The following OPCML variants were observed in gnomAD, a reference collection of about 807,000 sequenced individuals.
OPCML encodes the protein opioid binding protein/cell adhesion molecule like.
In OPCML, 13 loss-of-function variants were observed where a neutral mutation model predicts 37.8. The ratio of observed to expected loss-of-function variants is 0.34; its 90% confidence interval spans 0.22 to 0.55. The LOEUF (loss-of-function observed/expected upper bound fraction) is 0.55, where lower values mean the gene tolerates loss of function less well. Ranked by LOEUF, OPCML falls within the 20% of genes least tolerant of loss-of-function variation. OPCML has a pLI of 0.91. For synonymous variants in OPCML, 176 were observed against 168.8 expected, an observed-to-expected ratio of 1.04 and a Z score of -0.33; for missense variants, 341 against 435.6, an observed-to-expected ratio of 0.78 and a Z score of 1.93.
At chr11:133,456,704 A>G (rs1946678496) in intron 1 of OPCML, among the ~76,000 whole-genome samples, 2 of 152,092 alleles carry the variant, frequency 1.3e-5, no homozygotes, top group South Asian at 4.1e-4. Flanking sequence ...CAAAATAATA[A>G]TATCAACAAA....
intron 2 of OPCML, among the ~76,000 whole-genome samples, chr11:132,733,386 T>C (rs190165395): frequency 9.4e-4 from 143 of 152,230 alleles, no homozygotes; most frequent in African/African-American, 3.4e-3. Context: ...TCCGCTTGTC[T>C]GCTAAGAGGC....
intron 2 of OPCML, among the ~76,000 whole-genome samples, chr11:132,672,762 G>A (rs1375880742): frequency 1.3e-5 from 2 of 152,040 alleles, no homozygotes; most frequent in Non-Finnish European, 2.9e-5. Flanking sequence ...CTATTAACAG[G>A]AGATCCATTG....
At chr11:133,007,848 CA>C in intron 1 of OPCML, 4 of 985,338 alleles carry the variant, frequency 4.1e-6, no homozygotes, top group Non-Finnish European at 4.8e-6. Context: ...ACACGGATGG[CA>C]ATTTTAGAAC....
At chr11:132,913,444 G>A (rs1944491588) in intron 2 of OPCML, among the ~76,000 whole-genome samples, 1 of 152,140 alleles carries the variant, frequency 6.6e-6, no homozygotes, top group African/African-American at 2.4e-5. Flanking sequence ...GAGTCATCGG[G>A]AAACAAAATG....
chr11:132,898,356 A>G (rs1353506495), intron 2 of OPCML, among the ~76,000 whole-genome samples: 2 of 152,006 alleles, frequency 1.3e-5, no homozygotes, highest in African/African-American at 4.8e-5. Context: ...CCATCTGTGG[A>G]CTCACAAAAT....
intron 2 of OPCML, among the ~76,000 whole-genome samples, chr11:132,809,784 C>T (rs190827036): frequency 3.7e-4 from 56 of 152,168 alleles, no homozygotes; most frequent in Admixed American, 2.6e-3. Context: ...TTGGCCAAGA[C>T]GCCACCTCTT....
intron 3 of OPCML, among the ~76,000 whole-genome samples, chr11:132,635,942 T>G (rs1940465607): frequency 6.6e-6 from 1 of 152,152 alleles, no homozygotes; most frequent in African/African-American, 2.4e-5. Context: ...ATAGTAAATT[T>G]AGATAGCTAC....
At chr11:132,607,792 C>G (rs1473668587) in intron 3 of OPCML, among the ~76,000 whole-genome samples, 2 of 152,074 alleles carry the variant, frequency 1.3e-5, no homozygotes, top group African/African-American at 4.8e-5. Context: ...CTTATTTGTT[C>G]TTACTCATAT....
At chr11:132,952,182 G>C (rs982833260) in intron 1 of OPCML, among the ~76,000 whole-genome samples, 3 of 152,154 alleles carry the variant, frequency 2.0e-5, no homozygotes, top group Admixed American at 1.3e-4. Context: ...TGGAGTGGCC[G>C]AGAAGACATG....
intron 2 of OPCML, among the ~76,000 whole-genome samples, chr11:132,719,954 G>C (rs1254662391): frequency 1.3e-5 from 2 of 152,192 alleles, no homozygotes; most frequent in African/African-American, 4.8e-5. Context: ...TTTGGAACTA[G>C]AGTCATCTGG....
At chr11:132,628,160 G>A (rs1271038648) in intron 3 of OPCML, among the ~76,000 whole-genome samples, 1 of 152,074 alleles carries the variant, frequency 6.6e-6, no homozygotes, top group Non-Finnish European at 1.5e-5. Flanking sequence ...TGAGATGGGA[G>A]GGCATGGTGT....
rs553187282 is a variant in OPCML, at chr11:133,319,049, T to C, written c.61+213215A>G. On this transcript the variant is annotated intron_variant, in intron 1 of 7. Transcript: ENST00000524381. ...CTCAAAAAATAAAAATAAAATAAAA[T>C]AAATCATGAGGCCACGCAGCTAATA... Among the ~76,000 whole-genome samples, 5 of 152,124 alleles carry C rather than the reference T, an allele frequency of 3.3e-5. No homozygotes were observed. In the South Asian group the frequency reaches 1.0e-3, roughly 32 times the overall value.
intron 1 of OPCML, among the ~76,000 whole-genome samples, chr11:133,098,902 G>A (rs1160079975): frequency 1.3e-5 from 2 of 152,138 alleles, no homozygotes; most frequent in Non-Finnish European, 2.9e-5. Flanking sequence ...CAGATGACAT[G>A]ATCATCTATG....
At chr11:132,818,886 C>T (rs887532876) in intron 2 of OPCML, among the ~76,000 whole-genome samples, 1 of 148,846 alleles carries the variant, frequency 6.7e-6, no homozygotes, top group African/African-American at 2.5e-5. Context: ...GTGTAACAAA[C>T]CTGCATGTTG....
chr11:133,029,999 A>G lies in OPCML; in HGVS notation c.62-86989T>C, dbSNP rs186885352. Among the ~76,000 whole-genome samples the G allele has an allele frequency of 1.8e-3, 278 of 152,300 alleles. 2 individuals are homozygous for G. Among genetic ancestry groups the G allele is most frequent in the African/African-American group, 6.4e-3 (266 of 41,562 alleles). Reference sequence around the variant, plus strand: ...GTCAAGGTCACCATCATCTTAAGAGATGGTAATTAGTGTTTGAGCTGCTGG... The same window carrying G: ...GTCAAGGTCACCATCATCTTAAGAGGTGGTAATTAGTGTTTGAGCTGCTGG... On this transcript the variant is annotated intron_variant, in intron 1 of 7. Transcript: ENST00000524381.
intron 3 of OPCML, among the ~76,000 whole-genome samples, chr11:132,636,781 T>C (rs1940527001): frequency 6.6e-6 from 1 of 152,158 alleles, no homozygotes; most frequent in South Asian, 2.1e-4. Flanking sequence ...AAGAAGACAC[T>C]GGGAGGCTCG....
chr11:133,096,130 ATGTGTGTGTGTGTGTG>A (rs59616366), intron 1 of OPCML, among the ~76,000 whole-genome samples: 1 of 150,098 alleles, frequency 6.7e-6, no homozygotes, highest in Admixed American at 6.6e-5. Context: ...TTGTGCACAA[ATGTGTGTGTGTGTGTG>A]TGTGTGTGTT....
chr11:132,595,943 C>G (rs2096491782), intron 3 of OPCML, among the ~76,000 whole-genome samples: 1 of 152,174 alleles, frequency 6.6e-6, no homozygotes, highest in Admixed American at 6.6e-5. Flanking sequence ...CAGGTACTTA[C>G]CCTCTATTGT....
At chr11:133,115,966 T>C (rs971134431) in intron 1 of OPCML, among the ~76,000 whole-genome samples, 18 of 126,380 alleles carry the variant, frequency 1.4e-4, no homozygotes, top group Admixed American at 2.6e-4. Flanking sequence ...AAGGACATTA[T>C]TATTAATATA....
Sources: gnomAD v4.1 joint callset for allele counts (sites outside exome capture counted in the v4.1 genomes callset) on GRCh38, gnomAD v4.1.1 for gene constraint, MANE v1.5 for transcripts, NCBI Gene and HGNC (gene_info 2026-07-23, HGNC 2026-07-21) for gene names.